NTRK2: variants seen among roughly 807,000 people sequenced by gnomAD.
The protein encoded by NTRK2 is BDNF/NT-3 growth factors receptor.
A neutral mutation model predicts 94.5 loss-of-function variants in NTRK2; 13 were observed. The ratio of observed to expected loss-of-function variants is 0.14; its 90% CI spans 0.09 to 0.22. The LOEUF (loss-of-function observed/expected upper bound fraction) is 0.22. Among genes scored for constraint, NTRK2 ranks in the 10% least tolerant of loss-of-function variants. The probability of loss-of-function intolerance (pLI) is 1.00; values close to 1 mark genes in which losing one functional copy is unlikely to be tolerated. For synonymous variants in NTRK2, 372 were observed against 407.4 expected (o/e 0.91, Z 1.05); for missense variants, 639 against 1,071.2 (o/e 0.60, Z 5.63).
At chr9:84,831,201 T>C (rs759703955) in intron 12 of NTRK2, among the ~76,000 whole-genome samples, 18 of 152,194 alleles carry the variant, frequency 1.2e-4, no homozygotes, top group Non-Finnish European at 2.2e-4. Flanking sequence ...TTTCCAGATA[T>C]AACATTTCTA....
chr9:84,837,840 C>G (rs909814742), intron 12 of NTRK2, among the ~76,000 whole-genome samples: 11 of 152,108 alleles, frequency 7.2e-5, no homozygotes, highest in African/African-American at 2.7e-4. Context: ...ATGTCATATA[C>G]CAACAGTCAC....
intron 17 of NTRK2, among the ~76,000 whole-genome samples, chr9:84,994,105 G>A (rs1829437773): frequency 6.6e-6 from 1 of 151,914 alleles, no homozygotes; most frequent in Non-Finnish European, 1.5e-5. Flanking sequence ...GCGCAACATG[G>A]AGACTTTCAC....
intron 9 of NTRK2, among the ~76,000 whole-genome samples, chr9:84,737,270 T>A (rs558589526): frequency 2.6e-5 from 4 of 152,008 alleles, no homozygotes; most frequent in Admixed American, 6.6e-5. Context: ...CACAATATAT[T>A]TTTTTTTATC....
At chr9:84,672,086 C>T (rs530085688) in intron 2 of NTRK2, among the ~76,000 whole-genome samples, 3 of 152,266 alleles carry the variant, frequency 2.0e-5, no homozygotes, top group South Asian at 2.1e-4. Flanking sequence ...TTCCGGTTGT[C>T]GAGTGCGCAT....
intron 15 of NTRK2, among the ~76,000 whole-genome samples, chr9:84,944,171 G>A (rs1254956561): frequency 6.8e-6 from 1 of 147,296 alleles, no homozygotes; most frequent in Admixed American, 6.8e-5. Context: ...TCAGGTTGGC[G>A]TTTCAAAAAA....
Position 85,022,681 on chromosome 9 carries a change from G to A in NTRK2, c.*1244G>A, listed in dbSNP as rs916234860. On this transcript the variant is annotated 3_prime_UTR_variant, in exon 19 of 19. Coordinates refer to ENST00000277120, the MANE Select transcript of NTRK2 (RefSeq NM_006180.6). ...GTGTGCAGACACTACTGCTCCAGAC[G>A]TCGTTTCCCTGATAGGTAGAGCAGA... 2 of 233,072 alleles carry A rather than the reference G, an allele frequency of 8.6e-6. No individual in the cohort carries two copies. Among genetic ancestry groups the A allele is most frequent in the Admixed American group, 5.6e-5 (1 of 17,776 alleles). 14.4% of individuals were successfully genotyped at this position (233,072 alleles called of 1,614,324 possible).
chr9:84,969,515 C>T lies in NTRK2; in HGVS notation c.2172+13998C>T, dbSNP rs568403257. Among the ~76,000 whole-genome samples, 306 of 152,292 alleles carry T rather than the reference C, an allele frequency of 2.0e-3. 2 individuals are homozygous for T. The highest frequency in any genetic ancestry group is 9.8e-4 in the Non-Finnish European group (67 of 68,036). On this transcript the variant is annotated intron_variant, in intron 17 of 18. Coordinates refer to ENST00000277120, the MANE Select transcript of NTRK2 (RefSeq NM_006180.6). ...AATATACAGCATTACAAAAGAACAG[C>T]GTTGCATTCAGCATAGTTATAAAAT...
intron 11 of NTRK2, among the ~76,000 whole-genome samples, chr9:84,750,926 A>G (rs931327622): frequency 2.0e-5 from 3 of 152,240 alleles, no homozygotes; most frequent in Non-Finnish European, 4.4e-5. Context: ...TACCTCTGTC[A>G]TCTCTACCTC....
At chr9:84,947,343 T>C (rs987315276) in intron 15 of NTRK2, among the ~76,000 whole-genome samples, 1 of 152,216 alleles carries the variant, frequency 6.6e-6, no homozygotes, top group Non-Finnish European at 1.5e-5. Context: ...ATCCTTAACT[T>C]AGTTACATCT....
intron 14 of NTRK2, among the ~76,000 whole-genome samples, chr9:84,905,513 A>G (rs1437399595): frequency 6.6e-6 from 1 of 152,222 alleles, no homozygotes; most frequent in Non-Finnish European, 1.5e-5. Flanking sequence ...TTCATGGGTC[A>G]CAAACAATCA....
chr9:84,796,271 A>G (rs1379959057), intron 12 of NTRK2, among the ~76,000 whole-genome samples: 4 of 152,300 alleles, frequency 2.6e-5, no homozygotes, highest in African/African-American at 4.8e-5. Flanking sequence ...AGTGGTCTCA[A>G]AAAGGCTGCT....
At chr9:84,966,908 T>C (rs969983769) in intron 17 of NTRK2, among the ~76,000 whole-genome samples, 11 of 152,198 alleles carry the variant, frequency 7.2e-5, no homozygotes, top group African/African-American at 2.7e-4. Flanking sequence ...CCCTTGACTT[T>C]CCTGAGAGAG....
At chr9:84,791,474 G>A (rs1384861888) in intron 12 of NTRK2, among the ~76,000 whole-genome samples, 1 of 152,094 alleles carries the variant, frequency 6.6e-6, no homozygotes, top group East Asian at 1.9e-4. Context: ...AGTGGTAAGG[G>A]CCATTTTAAA....
Position 84,817,002 on chromosome 9 carries a change from C to T in NTRK2, c.1397-44038C>T, listed in dbSNP as rs2072466828. Among the ~76,000 whole-genome samples the T allele has an allele frequency of 1.3e-5, 2 of 152,150 alleles. 1 individual carries two copies. Among genetic ancestry groups the T allele is most frequent in the South Asian group, 4.1e-4 (2 of 4,822 alleles). ...ATATAATCTTGGGAAAGTTCTTTCA[C>T]TGCTCCGTGCTTCAATTTCTTCCTT... is the stretch of plus-strand genomic sequence containing the variant. On this transcript the variant is annotated intron_variant, in intron 12 of 18. Transcript: ENST00000277120.
At chr9:84,807,161 G>A (rs897305049) in intron 12 of NTRK2, among the ~76,000 whole-genome samples, 1 of 152,220 alleles carries the variant, frequency 6.6e-6, no homozygotes, top group Admixed American at 6.5e-5. Context: ...TAATTTAAAT[G>A]TACTGCAGAT....
At chr9:84,999,341 G>A (rs1156253829) in intron 17 of NTRK2, among the ~76,000 whole-genome samples, 1 of 152,056 alleles carries the variant, frequency 6.6e-6, no homozygotes, top group Non-Finnish European at 1.5e-5. Flanking sequence ...TTTTTGTATT[G>A]TCTGTTAAGT....
chr9:84,743,103 T>C (rs2063788897), intron 10 of NTRK2, among the ~76,000 whole-genome samples: 1 of 152,146 alleles, frequency 6.6e-6, no homozygotes, highest in African/African-American at 2.4e-5. Context: ...GCCCGGCCTA[T>C]ATTAGCTTTT....
At chr9:85,020,456 T>C in intron 18 of NTRK2, 92 bp downstream of exon 18, 1 of 1,327,434 alleles carries the variant, frequency 7.5e-7, no homozygotes, top group Admixed American at 1.7e-5. Context: ...GAAGACCATG[T>C]CAGGACACGA....
At chr9:84,703,338 C>A (rs868311326) in intron 4 of NTRK2, among the ~76,000 whole-genome samples, 1 of 152,276 alleles carries the variant, frequency 6.6e-6, no homozygotes. Context: ...ATTGGTAGGA[C>A]AGATCTTTTT....
Sources: gnomAD v4.1 joint callset for allele counts (sites outside exome capture counted in the v4.1 genomes callset) on GRCh38, gnomAD v4.1.1 for gene constraint, MANE v1.5 for transcripts, NCBI Gene and HGNC (gene_info 2026-07-23, HGNC 2026-07-21) for gene names.